THOC1: variants seen among roughly 807,000 people sequenced by gnomAD.
The protein encoded by THOC1 is THO complex 1.
In THOC1, 29 loss-of-function variants were observed where a neutral mutation model predicts 97.3. The ratio of observed to expected loss-of-function variants is 0.30; its 90% CI spans 0.22 to 0.41. The LOEUF is 0.41. THOC1 is among the 10% of genes least tolerant of loss of function. The pLI is 1.00. For missense variants in THOC1, 529 were observed against 761.9 expected, an observed-to-expected ratio of 0.69 and a Z score of 3.60; for synonymous variants, 255 against 257.0, an observed-to-expected ratio of 0.99 and a Z score of 0.07.
At chr18:231,996 T>C (rs1387600592) in intron 11 of THOC1, among the ~76,000 whole-genome samples, 2 of 152,372 alleles carry the variant, frequency 1.3e-5, no homozygotes, top group Non-Finnish European at 2.9e-5. Flanking sequence ...ATGGACTATA[T>C]ATCTCTGTCA....
chr18:259,991 T>G, intron 5 of THOC1, 195 bp downstream of exon 5: 1 of 521,684 alleles, frequency 1.9e-6, no homozygotes, highest in Non-Finnish European at 3.3e-6. Context: ...TTAAATCAAA[T>G]TTTGTATTTC....
chr18:241,014 T>C (rs1911879894), intron 11 of THOC1, among the ~76,000 whole-genome samples: 1 of 152,148 alleles, frequency 6.6e-6, no homozygotes, highest in African/African-American at 2.4e-5. Flanking sequence ...GCTGATCTGA[T>C]AGGAGACGGA....
At chr18:221,602 G>A (rs1427562868) in intron 17 of THOC1, among the ~76,000 whole-genome samples, 1 of 145,302 alleles carries the variant, frequency 6.9e-6, no homozygotes, top group African/African-American at 2.5e-5. Context: ...ACATATAGAT[G>A]GATCTTTTTT....
In THOC1 at chr18:242,360, C is replaced by T. The variant is rs1441659035; in HGVS notation, c.918+3964G>A. On this transcript the variant is annotated intron_variant, in intron 11 of 20. Transcript: ENST00000261600. The surrounding 1 kb of genome is among the most constrained non-coding windows in gnomAD (Gnocchi z 4.5). ...AGGCGTGGTGTTGGGCGCCTGTAATCCCAGCTACTTGGGAGGCTGAGGCAC... is the reference window on the plus strand; with the variant it reads ...AGGCGTGGTGTTGGGCGCCTGTAATTCCAGCTACTTGGGAGGCTGAGGCAC... 6.6e-6 allele frequency among the ~76,000 whole-genome samples: 1 copy of T among 151,884 alleles called. No homozygotes were observed. The highest frequency in any genetic ancestry group is 1.5e-5 in the Non-Finnish European group (1 of 68,010).
At chr18:256,584 T>C (rs1057176478) in intron 7 of THOC1, among the ~76,000 whole-genome samples, 1 of 152,226 alleles carries the variant, frequency 6.6e-6, no homozygotes, top group Non-Finnish European at 1.5e-5. Context: ...GCGAACACTG[T>C]TGAATGACAA....
intron 11 of THOC1, among the ~76,000 whole-genome samples, chr18:232,465 G>A (rs1438462883): frequency 6.6e-6 from 1 of 151,608 alleles, no homozygotes; most frequent in Admixed American, 6.6e-5. Context: ...CATTTTCAGT[G>A]CTTTATAGAA....
Position 224,703 on chromosome 18 carries a change from T to C in THOC1, c.1208+221A>G, listed in dbSNP as rs1361692850. Among the ~76,000 whole-genome samples the C allele has an allele frequency of 3.3e-5, 5 of 152,134 alleles. No individual in the cohort carries two copies. In the East Asian group the frequency reaches 9.6e-4, roughly 29 times the overall value. Reference sequence around the variant, plus strand: ...TACAGTATTCTTCTCAATAATAAGATGTTTGTTCCAGGAATTTAATGACAA... The same window carrying C: ...TACAGTATTCTTCTCAATAATAAGACGTTTGTTCCAGGAATTTAATGACAA... On this transcript the variant is annotated intron_variant, in intron 15 of 20. Coordinates refer to ENST00000261600, the MANE Select transcript of THOC1 (RefSeq NM_005131.3).
intron 5 of THOC1, 92 bp downstream of exon 5, chr18:260,094 A>T (rs1225347126): frequency 2.5e-6 from 2 of 785,012 alleles, no homozygotes; most frequent in African/African-American, 4.4e-5. Context: ...ATTCAGCAAT[A>T]CTACAAATAA....
intron 4 of THOC1, among the ~76,000 whole-genome samples, chr18:262,188 T>C (rs760703054): frequency 1.6e-4 from 25 of 152,226 alleles, no homozygotes; most frequent in Non-Finnish European, 3.2e-4. Flanking sequence ...AGCAGGCTAC[T>C]TCATCTATGC....
Position 217,838 on chromosome 18 carries a change from G to A in THOC1, c.1454+1048C>T, listed in dbSNP as rs538546659. On this transcript the variant is annotated intron_variant, in intron 18 of 20. Transcript: ENST00000261600. ...TGAGACAGTAAAGTGTGAAGGTCCTGACAGGAAAGGGAAAGACAGGACCAA... is the reference window on the plus strand; with the variant it reads ...TGAGACAGTAAAGTGTGAAGGTCCTAACAGGAAAGGGAAAGACAGGACCAA... Among the ~76,000 whole-genome samples, 83 of 152,258 alleles carry A rather than the reference G, an allele frequency of 5.5e-4. 1 individual carries two copies. In the South Asian group the frequency reaches 0.017, roughly 31 times the overall value.
intron 11 of THOC1, among the ~76,000 whole-genome samples, chr18:231,261 T>G (rs571431320): frequency 6.6e-6 from 1 of 152,284 alleles, no homozygotes; most frequent in Non-Finnish European, 1.5e-5. Context: ...TGTCCTTAGC[T>G]TTTATGGCAC....
intron 4 of THOC1, among the ~76,000 whole-genome samples, chr18:262,712 G>A (rs1470919195): frequency 1.3e-5 from 2 of 152,152 alleles, no homozygotes; most frequent in Non-Finnish European, 2.9e-5. Flanking sequence ...TTAACAAAGT[G>A]AATTTATGAA....
intron 11 of THOC1, among the ~76,000 whole-genome samples, chr18:231,939 G>A (rs1181124650): frequency 1.3e-5 from 2 of 152,120 alleles, no homozygotes; most frequent in Admixed American, 1.3e-4. Flanking sequence ...TCTAGTTCAG[G>A]GATTGGCAAA....
At chr18:222,298 A>G (rs1911120378) in intron 17 of THOC1, among the ~76,000 whole-genome samples, 1 of 152,204 alleles carries the variant, frequency 6.6e-6, no homozygotes, top group Non-Finnish European at 1.5e-5. Context: ...CATGTTTACC[A>G]AAGTGTCTAC....
intron 11 of THOC1, among the ~76,000 whole-genome samples, chr18:235,327 T>C (rs182939043): frequency 6.6e-6 from 1 of 152,292 alleles, no homozygotes; most frequent in Admixed American, 6.5e-5. Context: ...TTTGCTGATA[T>C]GTTTTAGTTT....
At chr18:252,082 T>C (rs71352930) in intron 9 of THOC1, among the ~76,000 whole-genome samples, 6,106 of 152,264 alleles carry the variant, frequency 0.04, 148 homozygotes, top group Middle Eastern at 0.075. Flanking sequence ...AACCTATCTA[T>C]GCCACTGAGG....
intron 11 of THOC1, among the ~76,000 whole-genome samples, chr18:238,338 G>T (rs1249299282): frequency 6.6e-6 from 1 of 152,170 alleles, no homozygotes; most frequent in Non-Finnish European, 1.5e-5. Context: ...TTAGTAAAAA[G>T]GTAACCTGAA....
intron 4 of THOC1, among the ~76,000 whole-genome samples, chr18:263,094 T>C (rs1298049972): frequency 6.6e-6 from 1 of 152,048 alleles, no homozygotes; most frequent in Non-Finnish European, 1.5e-5. Flanking sequence ...CTGCTCTTTT[T>C]TTTTGAGATG....
At chr18:236,539 A>G (rs1270008603) in intron 11 of THOC1, among the ~76,000 whole-genome samples, 1 of 145,820 alleles carries the variant, frequency 6.9e-6, no homozygotes, top group Non-Finnish European at 1.5e-5. Context: ...TTTTTTTTGT[A>G]TTTTTAGTAG....
Sources: gnomAD v4.1 joint callset for allele counts (sites outside exome capture counted in the v4.1 genomes callset) on GRCh38, gnomAD v4.1.1 for gene constraint, Gnocchi (gnomAD v3.1) non-coding constraint, MANE v1.5 for transcripts, NCBI Gene and HGNC (gene_info 2026-07-23, HGNC 2026-07-21) for gene names.